FBXL20: variants seen among roughly 807,000 people sequenced by gnomAD.
The protein encoded by FBXL20 is F-box/LRR-repeat protein 20.
In FBXL20, 11 loss-of-function variants were observed where a neutral mutation model predicts 64.0. The observed-to-expected ratio is 0.17, with a 90% confidence interval of 0.11 to 0.28. FBXL20 has a LOEUF of 0.28. Ranked by LOEUF, FBXL20 falls within the 10% of genes least tolerant of loss-of-function variation. The pLI, the probability that FBXL20 is intolerant of heterozygous loss-of-function variation, is 1.00. For missense variants in FBXL20, 303 were observed against 526.2 expected, an observed-to-expected ratio of 0.58 and a Z score of 4.15; for synonymous variants, 184 against 189.0, an observed-to-expected ratio of 0.97 and a Z score of 0.22.
At chr17:39,333,325 T>TC (rs1206497309) in intron 2 of FBXL20, among the ~76,000 whole-genome samples, 4 of 152,200 alleles carry the variant, frequency 2.6e-5, no homozygotes, top group African/African-American at 4.8e-5. Context: ...TTCGTATTTT[T>TC]TGGTGGAGAC....
At chr17:39,337,200 C>G (rs550136795) in intron 2 of FBXL20, among the ~76,000 whole-genome samples, 5 of 152,326 alleles carry the variant, frequency 3.3e-5, no homozygotes, top group Admixed American at 1.3e-4. Context: ...GTTGGCCGGG[C>G]TGGTCTCCAG....
intron 12 of FBXL20, among the ~76,000 whole-genome samples, chr17:39,266,487 T>C (rs1267392129): frequency 1.3e-5 from 2 of 152,216 alleles, no homozygotes; most frequent in Non-Finnish European, 2.9e-5. Context: ...CCCAAAGTGC[T>C]AGAATTACAG....
At chr17:39,316,332 C>T (rs946295490) in intron 2 of FBXL20, among the ~76,000 whole-genome samples, 1 of 152,000 alleles carries the variant, frequency 6.6e-6, no homozygotes, top group Non-Finnish European at 1.5e-5. Flanking sequence ...TCTTTCCCCC[C>T]GAGCTCTGTC....
At chr17:39,303,469 C>T (rs2047155737) in intron 3 of FBXL20, 116 bp downstream of exon 3, 1 of 838,504 alleles carries the variant, frequency 1.2e-6, no homozygotes, top group Admixed American at 3.0e-5. Flanking sequence ...AAATAATCTC[C>T]TTTAAAACAT....
chr17:39,385,366 G>T (rs1290568012), intron 1 of FBXL20, among the ~76,000 whole-genome samples: 1 of 152,118 alleles, frequency 6.6e-6, no homozygotes, highest in Non-Finnish European at 1.5e-5. Context: ...TGGGGAATGA[G>T]GTGGGGAGAA....
In FBXL20 at chr17:39,260,404, AGAAG is replaced by A. The variant is rs2046734828; in HGVS notation, c.*1052_*1055del. ...TATGATACAGTTGGTGGAGTCTGAC[AGAAG>A]GAAGAATATGTAGGGGGAATATTGG... On this transcript the variant is annotated 3_prime_UTR_variant, in exon 15 of 15. Transcript: ENST00000264658. 1 of 152,188 alleles carries A rather than the reference AGAAG, an allele frequency of 6.6e-6. No individual in the cohort carries two copies. Among genetic ancestry groups the A allele is most frequent in the Admixed American group, 6.5e-5 (1 of 15,270 alleles). The allele number at this position is 152,188 out of a possible 1,614,324, so 9.4% of individuals were successfully genotyped here.
chr17:39,290,599 C>T (rs1342523622), intron 6 of FBXL20, among the ~76,000 whole-genome samples: 1 of 152,186 alleles, frequency 6.6e-6, no homozygotes, highest in Middle Eastern at 3.2e-3. Context: ...GGGCTTCAGT[C>T]TTTCACCCAG....
chr17:39,286,730 G>A (rs1018068118), intron 6 of FBXL20, among the ~76,000 whole-genome samples: 3 of 151,534 alleles, frequency 2.0e-5, no homozygotes, highest in African/African-American at 7.3e-5. Context: ...CCCAGGAGGC[G>A]GAGGTTGCAG....
intron 5 of FBXL20, chr17:39,297,432 G>A (rs1301172892): frequency 4.6e-5 from 13 of 282,116 alleles, no homozygotes; most frequent in South Asian, 8.5e-5. Context: ...AAGTAATCGC[G>A]GTTTTTGCCA....
chr17:39,263,938 C>A, intron 14 of FBXL20: 1 of 431,016 alleles, frequency 2.3e-6, no homozygotes, highest in African/African-American at 2.0e-5. Context: ...TAGACAGACT[C>A]TGCTGGGAGG....
At chr17:39,309,826 GAGAA>G (rs984828683) in intron 2 of FBXL20, among the ~76,000 whole-genome samples, 1 of 150,008 alleles carries the variant, frequency 6.7e-6, no homozygotes, top group Non-Finnish European at 1.5e-5. Context: ...ATAAAGAAAA[GAGAA>G]AGAAAAAAAA....
chr17:39,314,699 T>C (rs1275458925), intron 2 of FBXL20, among the ~76,000 whole-genome samples: 1 of 151,892 alleles, frequency 6.6e-6, no homozygotes, highest in Admixed American at 6.6e-5. Flanking sequence ...TTTTAGAAAC[T>C]GCCAAGCTGT....
chr17:39,400,749 G>T (rs1388616356), intron 1 of FBXL20, among the ~76,000 whole-genome samples: 1 of 152,152 alleles, frequency 6.6e-6, no homozygotes, highest in Non-Finnish European at 1.5e-5. Flanking sequence ...CAATCTCAAA[G>T]CATGTAGACA....
chr17:39,346,490 G>A (rs1473146667), intron 1 of FBXL20, among the ~76,000 whole-genome samples: 3 of 152,124 alleles, frequency 2.0e-5, no homozygotes, highest in Non-Finnish European at 2.9e-5. Context: ...TAGTAGGAAG[G>A]AAATAAAGTT....
intron 9 of FBXL20, among the ~76,000 whole-genome samples, chr17:39,279,274 A>C (rs1017586389): frequency 2.6e-5 from 4 of 152,120 alleles, no homozygotes; most frequent in African/African-American, 9.7e-5. Context: ...TGAGGCAGGC[A>C]GATTGCTTGA....
At chr17:39,332,536 CTTTTTTTTT>C (rs58827473) in intron 2 of FBXL20, among the ~76,000 whole-genome samples, 1 of 96,964 alleles carries the variant, frequency 1.0e-5, no homozygotes, top group African/African-American at 4.1e-5. Flanking sequence ...TTCTTTGTAT[CTTTTTTTTT>C]TTTTTTTTTT....
intron 2 of FBXL20, among the ~76,000 whole-genome samples, chr17:39,313,061 G>A (rs369950200): frequency 5.5e-4 from 83 of 150,510 alleles, no homozygotes; most frequent in African/African-American, 1.7e-3. Context: ...TGGAATTACC[G>A]GCGCGCACCA....
At chr17:39,286,478 C>A (rs973923860) in intron 6 of FBXL20, among the ~76,000 whole-genome samples, 6 of 152,228 alleles carry the variant, frequency 3.9e-5, no homozygotes, top group Admixed American at 6.5e-5. Context: ...GCCTCCCAAA[C>A]TGCTGGGATT....
At chr17:39,280,059 C>A (rs1180534902) in intron 9 of FBXL20, among the ~76,000 whole-genome samples, 4 of 151,882 alleles carry the variant, frequency 2.6e-5, no homozygotes, top group African/African-American at 7.3e-5. Flanking sequence ...ATAGTGAAAC[C>A]CCATCCCTAC....
Sources: gnomAD v4.1 joint callset for allele counts (sites outside exome capture counted in the v4.1 genomes callset) on GRCh38, gnomAD v4.1.1 for gene constraint, MANE v1.5 for transcripts, NCBI Gene and HGNC (gene_info 2026-07-23, HGNC 2026-07-21) for gene names.